ZBTB20: variants seen among roughly 807,000 people sequenced by gnomAD.
ZBTB20 encodes the protein zinc finger and BTB domain-containing protein 20.
ZBTB20 carries 9 observed loss-of-function variants against 56.9 expected under a neutral mutation model. That is an observed-to-expected ratio of 0.16 (90% CI 0.10 to 0.28). The LOEUF (loss-of-function observed/expected upper bound fraction) is 0.28. ZBTB20 is among the 10% of genes least tolerant of loss of function. ZBTB20 has a pLI of 1.00. For missense variants in ZBTB20, 655 were observed against 1,003.0 expected (o/e 0.65, Z 4.69); for synonymous variants, 417 against 420.7 (o/e 0.99, Z 0.11).
At chr3:114,955,191 T>A (rs2077205192) in intron 3 of ZBTB20, among the ~76,000 whole-genome samples, 1 of 152,142 alleles carries the variant, frequency 6.6e-6, no homozygotes, top group South Asian at 2.1e-4. Context: ...TTCTGATAAC[T>A]CCAGCTCCAG....
intron 2 of ZBTB20, among the ~76,000 whole-genome samples, chr3:115,052,229 C>T (rs530779917): frequency 6.6e-6 from 1 of 152,020 alleles, no homozygotes; most frequent in East Asian, 1.9e-4. Context: ...GAGGTGGAGG[C>T]GGGCAGATCA....
chr3:114,955,289 TC>T (rs1365637730), intron 3 of ZBTB20, among the ~76,000 whole-genome samples: 1 of 152,188 alleles, frequency 6.6e-6, no homozygotes, highest in African/African-American at 2.4e-5. Flanking sequence ...TAGCTAAAAG[TC>T]AGATATATCT....
chr3:114,843,319 G>T (rs2074477216), intron 4 of ZBTB20, among the ~76,000 whole-genome samples: 1 of 152,022 alleles, frequency 6.6e-6, no homozygotes. Context: ...CTCCCCCTGA[G>T]TCCAGATTTG....
At chr3:115,067,195 T>C (rs2082237685) in intron 2 of ZBTB20, among the ~76,000 whole-genome samples, 1 of 152,098 alleles carries the variant, frequency 6.6e-6, no homozygotes, top group Non-Finnish European at 1.5e-5. Context: ...TAATCATCTT[T>C]ACATTCCCTA....
intron 3 of ZBTB20, chr3:114,930,561 A>G (rs1442690892): frequency 6.3e-6 from 1 of 157,666 alleles, no homozygotes; most frequent in Non-Finnish European, 1.4e-5. Flanking sequence ...AACCCTGAGC[A>G]AAGACGCCAA....
At chr3:114,483,897 AGGT>A (rs2041827501) in intron 7 of ZBTB20, among the ~76,000 whole-genome samples, 1 of 151,906 alleles carries the variant, frequency 6.6e-6, no homozygotes, top group South Asian at 2.1e-4. Flanking sequence ...AGTACTAAGA[AGGT>A]CCTTTGAACT....
chr3:114,959,836 C>T (rs960049948), intron 3 of ZBTB20, among the ~76,000 whole-genome samples: 2 of 151,830 alleles, frequency 1.3e-5, no homozygotes, highest in African/African-American at 4.8e-5. Context: ...ATACAAAAGT[C>T]TTTCTTAATT....
At chr3:114,886,008 A>C (rs1290220635) in intron 4 of ZBTB20, among the ~76,000 whole-genome samples, 1 of 152,212 alleles carries the variant, frequency 6.6e-6, no homozygotes, top group Admixed American at 6.5e-5. Context: ...CATGAGGTGG[A>C]AAGGGTCAGC....
intron 4 of ZBTB20, among the ~76,000 whole-genome samples, chr3:114,870,449 T>C (rs575893136): frequency 2.6e-4 from 39 of 150,670 alleles, no homozygotes; most frequent in Non-Finnish European, 5.5e-4. Context: ...TCCAATCCCA[T>C]ATTTTTATGG....
At chr3:114,469,567 C>A (rs890366503) in intron 7 of ZBTB20, among the ~76,000 whole-genome samples, 3 of 152,304 alleles carry the variant, frequency 2.0e-5, no homozygotes, top group South Asian at 4.1e-4. Flanking sequence ...GGTTCTGATT[C>A]ATGAGAAATC....
intron 7 of ZBTB20, among the ~76,000 whole-genome samples, chr3:114,483,697 C>T (rs1021308796): frequency 3.9e-5 from 6 of 152,190 alleles, no homozygotes; most frequent in Middle Eastern, 3.4e-3. Flanking sequence ...GGACATGGGT[C>T]GAGGTCATAG....
chr3:115,107,851 T>C (rs1029165049), intron 1 of ZBTB20, among the ~76,000 whole-genome samples: 1 of 152,210 alleles, frequency 6.6e-6, no homozygotes, highest in Non-Finnish European at 1.5e-5. Context: ...TGGACATAGA[T>C]GAATCTGGAA....
At chr3:114,920,452 G>A (rs2075913616) in intron 3 of ZBTB20, among the ~76,000 whole-genome samples, 1 of 151,986 alleles carries the variant, frequency 6.6e-6, no homozygotes, top group South Asian at 2.1e-4. Flanking sequence ...TATAAAATTA[G>A]AAATCAATCA....
At chr3:114,395,485 T>A (rs1156348621) in intron 7 of ZBTB20, among the ~76,000 whole-genome samples, 1 of 152,156 alleles carries the variant, frequency 6.6e-6, no homozygotes, top group South Asian at 2.1e-4. Flanking sequence ...AAGTAGCTCA[T>A]CAACCTGTTA....
chr3:114,663,652 T>TCA (rs1248142043), intron 6 of ZBTB20, among the ~76,000 whole-genome samples: 449 of 151,494 alleles, frequency 3.0e-3, no homozygotes, highest in Admixed American at 5.4e-3. Flanking sequence ...CCATCTCACG[T>TCA]GCAGAGACAC....
chr3:114,487,362 C>G (rs1011031088), intron 7 of ZBTB20, among the ~76,000 whole-genome samples: 5 of 152,206 alleles, frequency 3.3e-5, no homozygotes, highest in African/African-American at 9.7e-5. Flanking sequence ...TTTCCTAGGC[C>G]TGGTTCCTTC....
intron 7 of ZBTB20, among the ~76,000 whole-genome samples, chr3:114,447,603 A>G (rs551154858): frequency 1.1e-4 from 17 of 152,274 alleles, no homozygotes; most frequent in Non-Finnish European, 2.2e-4. Flanking sequence ...AAGCGCCAGG[A>G]AATCTCTTCT....
intron 5 of ZBTB20, among the ~76,000 whole-genome samples, chr3:114,707,582 G>A (rs955165219): frequency 3.3e-5 from 5 of 152,124 alleles, no homozygotes; most frequent in Non-Finnish European, 4.4e-5. Context: ...TGAAAATGTC[G>A]GGAACTCAAA....
chr3:114,981,222 T>C (rs1318864727), intron 2 of ZBTB20, among the ~76,000 whole-genome samples: 4 of 152,012 alleles, frequency 2.6e-5, no homozygotes, highest in South Asian at 4.1e-4. Flanking sequence ...ACATAGGAGA[T>C]TGCACTCATA....
Sources: gnomAD v4.1 joint callset for allele counts (sites outside exome capture counted in the v4.1 genomes callset) on GRCh38, gnomAD v4.1.1 for gene constraint, MANE v1.5 for transcripts, NCBI Gene and HGNC (gene_info 2026-07-23, HGNC 2026-07-21) for gene names.